The following STOM variants were observed in gnomAD, a reference collection of about 807,000 sequenced individuals.
STOM encodes stomatin.
STOM carries 25 observed loss-of-function variants against 30.6 expected under a neutral mutation model. That is an observed-to-expected ratio of 0.82 (90% CI 0.60 to 1.14). The LOEUF is 1.14. Among genes scored for constraint, STOM ranks in the 50% most tolerant of loss-of-function variants. The pLI is 0.00. For missense variants in STOM, 292 were observed against 365.2 expected, an observed-to-expected ratio of 0.80 and a Z score of 1.63; for synonymous variants, 118 against 130.8, an observed-to-expected ratio of 0.90 and a Z score of 0.67.
Position 121,339,658 on chromosome 9 carries a change from G to T in STOM, c.*1544C>A. ...AGAGGAAATGTTACAAATGTCACCC[G>T]CCAGCTTTCTGGCCAGTAAGCAGAA... On this transcript the variant is annotated 3_prime_UTR_variant, in exon 7 of 7. Transcript: ENST00000286713. 8.1e-7 allele frequency: 1 copy of T among 1,231,520 alleles called. No individual in the cohort carries two copies. The highest frequency in any genetic ancestry group is 1.0e-6 in the Non-Finnish European group (1 of 987,862). 76.3% of individuals were successfully genotyped at this position (1,231,520 alleles called of 1,614,324 possible). A position where few individuals can be genotyped will look rare whatever the true frequency, so the allele number is the denominator to read the frequency against.
At chr9:121,355,582 C>G (rs992834177) in intron 2 of STOM, among the ~76,000 whole-genome samples, 2 of 152,042 alleles carry the variant, frequency 1.3e-5, no homozygotes, top group Non-Finnish European at 2.9e-5. Flanking sequence ...AAATAACGAG[C>G]ACTGAGGGTA....
At chr9:121,352,634 T>G (rs933907318) in intron 4 of STOM, among the ~76,000 whole-genome samples, 2 of 152,234 alleles carry the variant, frequency 1.3e-5, no homozygotes, top group African/African-American at 4.8e-5. Context: ...TGTCAGCCAT[T>G]GCTCTAAGCA....
At chr9:121,355,987 C>T (rs2064385714) in intron 2 of STOM, 66 bp downstream of exon 2, 3 of 1,197,500 alleles carry the variant, frequency 2.5e-6, no homozygotes, top group Non-Finnish European at 3.7e-6. Context: ...CACACAGGCA[C>T]ACACGAAGTA....
At chr9:121,352,441 A>G (rs2064347634) in intron 4 of STOM, among the ~76,000 whole-genome samples, 1 of 152,282 alleles carries the variant, frequency 6.6e-6, no homozygotes, top group Middle Eastern at 3.4e-3. Context: ...ACATCACTTT[A>G]TTCATGTGGA....
intron 1 of STOM, chr9:121,369,761 AGGGTGAGATGTG>A (rs929674957): frequency 5.9e-4 from 150 of 254,276 alleles, no homozygotes; most frequent in Middle Eastern, 1.1e-3. Context: ...GAGTGGGCAA[AGGGTGAGATGTG>A]GGGTCCCGGT....
chr9:121,339,639 A>C lies in STOM; in HGVS notation c.*1563T>G. 8.1e-7 allele frequency: 1 copy of C among 1,231,660 alleles called. No homozygotes were observed. The highest frequency in any genetic ancestry group is 1.0e-6 in the Non-Finnish European group (1 of 987,938). 76.3% of individuals were successfully genotyped at this position (1,231,660 alleles called of 1,614,324 possible). A position where few individuals can be genotyped will look rare whatever the true frequency, so the allele number is the denominator to read the frequency against. ...GGTGAACTCAGAGTCTCAAAGAGGA[A>C]ATGTTACAAATGTCACCCGCCAGCT... On this transcript the variant is annotated 3_prime_UTR_variant, in exon 7 of 7. Coordinates refer to ENST00000286713, the MANE Select transcript of STOM (RefSeq NM_004099.6).
chr9:121,358,990 C>A (rs2134039467), intron 1 of STOM, among the ~76,000 whole-genome samples: 1 of 152,258 alleles, frequency 6.6e-6, no homozygotes, highest in East Asian at 1.9e-4. Flanking sequence ...TTTTCTGTAT[C>A]AAGTGTCATC....
At position 121,349,342 on chromosome 9, in the gene STOM, A is replaced by G; in HGVS notation, c.322-19T>C. 6.2e-7 allele frequency: 1 copy of G among 1,612,148 alleles called. No individual in the cohort carries two copies. The highest frequency in any genetic ancestry group is 8.5e-7 in the Non-Finnish European group (1 of 1,178,216). On this transcript the variant is annotated intron_variant, in intron 4 of 6. Coordinates refer to ENST00000286713, the MANE Select transcript of STOM (RefSeq NM_004099.6). ...TGAGGATCTACAAGATGAAGGAAGC[A>G]ATTTTACATCTGTCAACGACTTTTT...
rs1156937416 is a variant in STOM at position 121,357,424 on chromosome 9, G to GATATATATAT, written c.62-1278_62-1269dup. ...TAGTGTACACACCATATTTTTAAAT[G>GATATATATAT]ATATATATATATATATTTATTTATT... On this transcript the variant is annotated intron_variant, in intron 1 of 6. Coordinates refer to ENST00000286713, the MANE Select transcript of STOM (RefSeq NM_004099.6). 2.1e-3 allele frequency among the ~76,000 whole-genome samples: 199 copies of GATATATATAT among 95,420 alleles called. 27 individuals carry two copies. Among genetic ancestry groups the GATATATATAT allele is most frequent in the East Asian group, 2.0e-3 (4 of 2,048 alleles). 62.6% of individuals were successfully genotyped at this position (95,420 alleles called of 152,430 possible).
At chr9:121,358,014 C>T (rs933422396) in intron 1 of STOM, among the ~76,000 whole-genome samples, 3 of 151,874 alleles carry the variant, frequency 2.0e-5, no homozygotes, top group African/African-American at 4.8e-5. Context: ...AAATAATACG[C>T]TTTGCAGCTG....
intron 1 of STOM, among the ~76,000 whole-genome samples, chr9:121,362,325 A>AT (rs2064461598): frequency 6.6e-6 from 1 of 152,084 alleles, no homozygotes; most frequent in Admixed American, 6.5e-5. Flanking sequence ...TCTAGCCTGT[A>AT]TTTTTTCAAT....
chr9:121,346,463 T>C (rs2064290696), intron 6 of STOM, among the ~76,000 whole-genome samples: 1 of 152,218 alleles, frequency 6.6e-6, no homozygotes, highest in Admixed American at 6.5e-5. Flanking sequence ...TTGCCACCTA[T>C]GGAAGATAAT....
At chr9:121,352,695 C>T (rs898201007) in intron 4 of STOM, among the ~76,000 whole-genome samples, 1 of 152,208 alleles carries the variant, frequency 6.6e-6, no homozygotes, top group Admixed American at 6.5e-5. Context: ...GTAGTTCTTA[C>T]TATTACAAAT....
intron 4 of STOM, among the ~76,000 whole-genome samples, chr9:121,351,611 T>C (rs943485131): frequency 1.3e-5 from 2 of 152,224 alleles, no homozygotes; most frequent in African/African-American, 4.8e-5. Flanking sequence ...GTTCCCAGGA[T>C]GGCCATCACT....
In STOM at chr9:121,353,021, C is replaced by T. The variant is rs144324922; in HGVS notation, c.321+199G>A. Among the ~76,000 whole-genome samples the T allele has an allele frequency of 9.2e-5, 14 of 152,114 alleles. No homozygotes were observed. The East Asian group carries it at 2.7e-3, about 29-fold the overall frequency. On this transcript the variant is annotated intron_variant, in intron 4 of 6. Transcript: ENST00000286713. Reference sequence around the variant, plus strand: ...GGCACGAGAATCACTTGAACCCAGGCGGCGGAGGTTGCAGTGAGCTGAGAT... The same window carrying T: ...GGCACGAGAATCACTTGAACCCAGGTGGCGGAGGTTGCAGTGAGCTGAGAT...
intron 1 of STOM, among the ~76,000 whole-genome samples, chr9:121,367,299 A>T (rs536900720): frequency 6.6e-6 from 1 of 152,278 alleles, no homozygotes; most frequent in African/African-American, 2.4e-5. Flanking sequence ...CTTTATCAAC[A>T]TCTTTTTTTT....
At chr9:121,356,810 C>A (rs1170517822) in intron 1 of STOM, among the ~76,000 whole-genome samples, 1 of 152,020 alleles carries the variant, frequency 6.6e-6, no homozygotes, top group Non-Finnish European at 1.5e-5. Context: ...TGATAAAACC[C>A]CGTCTCTACT....
chr9:121,341,054 A>G lies in STOM; in HGVS notation c.*148T>C. The stretch of plus-strand genomic sequence containing the variant: ...ATCTCTCAGTATTTACAAGCTAACA[A>G]TTCTTTCACCTATTTTTATAACTGC... On this transcript the variant is annotated 3_prime_UTR_variant, in exon 7 of 7. Coordinates refer to ENST00000286713, the MANE Select transcript of STOM (RefSeq NM_004099.6). The G allele has an allele frequency of 2.7e-6, 4 of 1,459,514 alleles. No individual in the cohort carries two copies. The highest frequency in any genetic ancestry group is 3.6e-6 in the Non-Finnish European group (4 of 1,109,500). 90.4% of individuals were successfully genotyped at this position (1,459,514 alleles called of 1,614,324 possible).
At chr9:121,369,560 G>T (rs998100720) in intron 1 of STOM, among the ~76,000 whole-genome samples, 4 of 152,172 alleles carry the variant, frequency 2.6e-5, no homozygotes, top group Non-Finnish European at 5.9e-5. Flanking sequence ...AGAGGAAAGC[G>T]GAGGGGGAAA....
Sources: allele counts gnomAD v4.1 joint callset (sites outside exome capture counted in the v4.1 genomes callset), GRCh38; gene constraint gnomAD v4.1.1; transcripts MANE v1.5; gene names NCBI Gene and HGNC (gene_info 2026-07-23, HGNC 2026-07-21).